Variants in CCDC25 observed in about 807,000 individuals in gnomAD.
CCDC25 encodes the protein coiled-coil domain-containing protein 25.
Under a neutral mutation model 35.3 loss-of-function variants are expected in CCDC25, and 16 were observed. The ratio of observed to expected loss-of-function variants is 0.45; its 90% CI spans 0.31 to 0.69. The LOEUF is 0.69. CCDC25 is among the 30% of genes least tolerant of loss of function. The pLI, the probability that CCDC25 is intolerant of heterozygous loss-of-function variation, is 0.06. For synonymous variants in CCDC25, 79 were observed against 80.3 expected (o/e 0.98, Z 0.09); for missense variants, 179 against 250.7 (o/e 0.71, Z 1.93).
Position 27,752,564 on chromosome 8 carries a change from TG to T in CCDC25, c.191del (p.Pro64GlnfsTer5), listed in dbSNP as rs1207954023. The T allele has an allele frequency of 1.2e-6, 2 of 1,613,540 alleles. No individual in the cohort carries two copies. The highest frequency in any genetic ancestry group is 1.3e-5 in the African/African-American group (1 of 74,892). ...LHKGENIEDIPKEVLMDCAHL... is the reference protein window; with the variant it reads ...LHKGENIEDIXKEVLMDCAHL... The stretch of plus-strand genomic sequence containing the variant: ...GGGCACAGTCCATCAGCACTTCCTT[TG>T]GGATGTCTTCTATATTCTCTCCCTG... On this transcript the variant is annotated frameshift_variant, in exon 5 of 9. Coordinates refer to ENST00000356537, the MANE Select transcript of CCDC25 (RefSeq NM_018246.3). LOFTEE classifies it high-confidence loss of function.
intron 8 of CCDC25, among the ~76,000 whole-genome samples, chr8:27,738,411 T>C (rs1324301527): frequency 1.3e-5 from 2 of 152,138 alleles, no homozygotes; most frequent in African/African-American, 4.8e-5. Flanking sequence ...AGTGCAAAAC[T>C]TCCTTGGAAT....
intron 1 of CCDC25, among the ~76,000 whole-genome samples, chr8:27,767,699 G>A (rs1031464920): frequency 2.6e-5 from 4 of 152,204 alleles, no homozygotes; most frequent in African/African-American, 9.6e-5. Flanking sequence ...AAAGCCTGTT[G>A]ATTAGATAAT....
chr8:27,748,196 T>G lies in CCDC25; in HGVS notation c.432A>C (p.Leu144=). Reference sequence around the variant, plus strand: ...GATCTCTGCATTCTTTCTCTGCTGCTAGGTCTGGGAACCGCTCGACTTTGG... The same window carrying G: ...GATCTCTGCATTCTTTCTCTGCTGCGAGGTCTGGGAACCGCTCGACTTTGG... ...EKTKVERFPD[L]AAEKECRDRE... Residue 144 remains leucine (L), a synonymous_variant, in exon 7 of 9, where the codon CTA becomes CTC. Coordinates refer to ENST00000356537, the MANE Select transcript of CCDC25 (RefSeq NM_018246.3). 1 of 1,613,976 alleles carries G rather than the reference T, an allele frequency of 6.2e-7. No homozygotes were observed. Among genetic ancestry groups the G allele is most frequent in the Non-Finnish European group, 8.5e-7 (1 of 1,179,868 alleles).
At chr8:27,757,798 C>T (rs977615188) in intron 3 of CCDC25, among the ~76,000 whole-genome samples, 3 of 152,112 alleles carry the variant, frequency 2.0e-5, no homozygotes, top group Non-Finnish European at 4.4e-5. Flanking sequence ...TAATCCCCAG[C>T]GTTAGAAGTG....
Position 27,772,557 on chromosome 8 carries a change from C to CG in CCDC25, c.-18dup. 1 of 1,548,928 alleles carries CG rather than the reference C, an allele frequency of 6.5e-7. No homozygotes were observed. Among genetic ancestry groups the CG allele is most frequent in the Non-Finnish European group, 8.7e-7 (1 of 1,146,388 alleles). On this transcript the variant is annotated 5_prime_UTR_variant, in exon 1 of 9. Transcript: ENST00000356537. ...GAACACCATGATCCCGGGAGCGGTG[C>CG]GGTGACTCCACCGCGGAGCAGCAGC...
At chr8:27,761,181 C>T (rs1273807751) in intron 3 of CCDC25, among the ~76,000 whole-genome samples, 2 of 151,856 alleles carry the variant, frequency 1.3e-5, no homozygotes, top group Non-Finnish European at 2.9e-5. Flanking sequence ...TAGCCCAACT[C>T]TATCACTAGA....
At chr8:27,742,753 G>C (rs1243625227) in intron 7 of CCDC25, among the ~76,000 whole-genome samples, 1 of 152,164 alleles carries the variant, frequency 6.6e-6, no homozygotes, top group Non-Finnish European at 1.5e-5. Context: ...TGTAATTTCA[G>C]CTACCTGGGA....
Position 27,768,835 on chromosome 8 carries a change from T to C in CCDC25, c.29-3584A>G, listed in dbSNP as rs552051594. ...GAACAATCTACTTTTAGGCAGATGA[T>C]ATTAACAGGTATTAAAAGTACAAGT... On this transcript the variant is annotated intron_variant, in intron 1 of 8. Coordinates refer to ENST00000356537, the MANE Select transcript of CCDC25 (RefSeq NM_018246.3). 1.6e-4 allele frequency among the ~76,000 whole-genome samples: 24 copies of C among 152,326 alleles called. 2 individuals carry two copies. The South Asian group carries it at 1.9e-3, about 12-fold the overall frequency.
chr8:27,753,275 C>T (rs1452112100), intron 4 of CCDC25, among the ~76,000 whole-genome samples: 2 of 152,184 alleles, frequency 1.3e-5, no homozygotes, highest in African/African-American at 4.8e-5. Flanking sequence ...TCAAAGCCAG[C>T]AGTCTGGCCC....
rs954360332 is a variant in CCDC25 at position 27,767,575 on chromosome 8, A to G, written c.29-2324T>C. Among the ~76,000 whole-genome samples the G allele has an allele frequency of 1.5e-4, 23 of 152,200 alleles. 1 individual carries two copies. The highest frequency in any genetic ancestry group is 5.5e-4 in the African/African-American group (23 of 41,452). Reference sequence around the variant, plus strand: ...ATGCCATGAAAGACAAAGACTGAGCAATTGCTCGCGATTAGAGGAGGCTAC... The same window carrying G: ...ATGCCATGAAAGACAAAGACTGAGCGATTGCTCGCGATTAGAGGAGGCTAC... On this transcript the variant is annotated intron_variant, in intron 1 of 8. Coordinates refer to ENST00000356537, the MANE Select transcript of CCDC25 (RefSeq NM_018246.3).
chr8:27,751,810 T>G (rs972357013), intron 5 of CCDC25, among the ~76,000 whole-genome samples: 1 of 152,212 alleles, frequency 6.6e-6, no homozygotes, highest in South Asian at 2.1e-4. Flanking sequence ...AAATCTTGCA[T>G]AGCAGAAATA....
At chr8:27,750,343 C>T (rs1196938009) in intron 5 of CCDC25, among the ~76,000 whole-genome samples, 1 of 152,202 alleles carries the variant, frequency 6.6e-6, no homozygotes, top group Non-Finnish European at 1.5e-5. Context: ...GAACAAGTTC[C>T]TTAATTCTCT....
intron 1 of CCDC25, among the ~76,000 whole-genome samples, chr8:27,767,383 G>A (rs937447131): frequency 6.6e-6 from 1 of 151,934 alleles, no homozygotes; most frequent in Admixed American, 6.6e-5. Context: ...AATAATAACT[G>A]ATATAAAATA....
chr8:27,743,860 A>G (rs772670915), intron 7 of CCDC25, among the ~76,000 whole-genome samples: 18 of 152,304 alleles, frequency 1.2e-4, no homozygotes, highest in Admixed American at 2.6e-4. Context: ...CACCCCAGCA[A>G]TTCAGCCTGG....
chr8:27,769,583 AT>A (rs1349053414), intron 1 of CCDC25, among the ~76,000 whole-genome samples: 1 of 152,134 alleles, frequency 6.6e-6, no homozygotes, highest in African/African-American at 2.4e-5. Context: ...AGGGTATATG[AT>A]TTTTCAGGCT....
chr8:27,769,461 G>C (rs1036530496), intron 1 of CCDC25, among the ~76,000 whole-genome samples: 3 of 152,152 alleles, frequency 2.0e-5, no homozygotes, highest in Non-Finnish European at 4.4e-5. Context: ...CTGTATATTT[G>C]TTTTTCCATT....
intron 3 of CCDC25, among the ~76,000 whole-genome samples, chr8:27,757,246 C>G (rs983501619): frequency 2.6e-5 from 4 of 152,160 alleles, no homozygotes; most frequent in Non-Finnish European, 5.9e-5. Flanking sequence ...TTGGCGGAAA[C>G]AGATGACAGT....
chr8:27,757,037 T>C (rs1203458816), intron 3 of CCDC25, among the ~76,000 whole-genome samples: 1 of 151,696 alleles, frequency 6.6e-6, no homozygotes, highest in African/African-American at 2.4e-5. Context: ...GAAGGGTGAT[T>C]TTTCAAGATA....
chr8:27,752,495 C>T lies in CCDC25; in HGVS notation c.244+17G>A, dbSNP rs763383904. 3.1e-6 allele frequency: 5 copies of T among 1,603,894 alleles called. No homozygotes were observed. The highest frequency in any genetic ancestry group is 8.5e-7 in the Non-Finnish European group (1 of 1,171,332). On this transcript the variant is annotated intron_variant, in intron 5 of 8. Transcript: ENST00000356537. The stretch of plus-strand genomic sequence containing the variant: ...AAAGTCCGTGCTAATTCTAAAAACA[C>T]CTCTAGGAAAACTGACCTTGAATGC...
Sources: allele counts gnomAD v4.1 joint callset (sites outside exome capture counted in the v4.1 genomes callset), GRCh38; gene constraint gnomAD v4.1.1; transcripts MANE v1.5; gene names NCBI Gene and HGNC (gene_info 2026-07-23, HGNC 2026-07-21).